The following DAB1 variants were observed in gnomAD, a reference collection of about 807,000 sequenced individuals.
DAB1 encodes DAB adaptor protein 1, also known as disabled homolog 1.
DAB1 carries 15 observed loss-of-function variants against 64.6 expected under a neutral mutation model. The observed-to-expected ratio is 0.23, with a 90% CI of 0.16 to 0.36. DAB1 has a LOEUF of 0.36. Among genes scored for constraint, DAB1 ranks in the 10% least tolerant of loss-of-function variants. The probability of loss-of-function intolerance (pLI) is 1.00; values close to 1 mark genes in which losing one functional copy is unlikely to be tolerated. For missense variants in DAB1, 596 were observed against 706.7 expected (o/e 0.84, Z 1.78); for synonymous variants, 235 against 251.9 (o/e 0.93, Z 0.64).
chr1:57,091,138 G>A (rs1653635449), intron 4 of DAB1, among the ~76,000 whole-genome samples: 1 of 152,052 alleles, frequency 6.6e-6, no homozygotes, highest in Non-Finnish European at 1.5e-5. Context: ...CCCCATGCTG[G>A]GTGTCTGCTG....
chr1:57,882,770 G>A (rs1408531462), intron 1 of DAB1, among the ~76,000 whole-genome samples: 2 of 152,160 alleles, frequency 1.3e-5, no homozygotes, highest in East Asian at 3.9e-4. Context: ...CACCTATTGA[G>A]CACTATTACC....
At chr1:58,132,190 C>T (rs1467659095) in intron 5 of DAB1, among the ~76,000 whole-genome samples, 1 of 152,172 alleles carries the variant, frequency 6.6e-6, no homozygotes, top group East Asian at 1.9e-4. Flanking sequence ...GTCGGAAAAG[C>T]GCAGTATTCG....
chr1:57,133,825 C>T (rs1364497981), intron 4 of DAB1, among the ~76,000 whole-genome samples: 1 of 152,034 alleles, frequency 6.6e-6, no homozygotes, highest in Non-Finnish European at 1.5e-5. Flanking sequence ...TGATAAAGGC[C>T]CAGTTTTCCA....
In DAB1 at chr1:57,026,007, T is replaced by C; in HGVS notation, c.760A>G (p.Thr254Ala). The C allele has an allele frequency of 1.9e-6, 3 of 1,590,814 alleles. No homozygotes were observed. The highest frequency in any genetic ancestry group is 2.6e-6 in the Non-Finnish European group (3 of 1,170,584). ...TQLELFGDMSTPPDITSPPTP... is the reference protein window; with the variant it reads ...TQLELFGDMSAPPDITSPPTP... Reference sequence around the variant, plus strand: ...GGGGGAGAGGTTATATCAGGGGGTGTGGACATGTCCCCAAAAAGTTCTAAT... The same window carrying C: ...GGGGGAGAGGTTATATCAGGGGGTGCGGACATGTCCCCAAAAAGTTCTAAT... The change falls in exon 10 of 15, where the codon ACA (threonine) becomes GCA (alanine). Residue 254 changes from threonine (T) to alanine (A), a missense_variant. Physicochemically the swap from Thr to Ala is moderately conservative, Grantham distance 58. This residue lies in a region of DAB1 where 377 missense variants were observed against 400.4 expected (regional missense o/e 0.94). Transcript: ENST00000371236.
chr1:58,242,036 T>G (rs538808913), intron 4 of DAB1, among the ~76,000 whole-genome samples: 40 of 152,236 alleles, frequency 2.6e-4, no homozygotes, highest in African/African-American at 9.1e-4. Context: ...ATTTCAGTAT[T>G]GTTTATAAAA....
At chr1:58,491,960 A>G (rs1409722269) in intron 3 of DAB1, among the ~76,000 whole-genome samples, 3 of 152,222 alleles carry the variant, frequency 2.0e-5, no homozygotes, top group Non-Finnish European at 4.4e-5. Context: ...AACAGAATAT[A>G]CATTCTTTTC....
chr1:57,238,457 A>G (rs943976586), intron 2 of DAB1, among the ~76,000 whole-genome samples: 7 of 152,230 alleles, frequency 4.6e-5, no homozygotes, highest in African/African-American at 1.7e-4. Context: ...AGATGCTGCT[A>G]TCTGTCCGTC....
At chr1:57,935,465 G>C (rs940697320) in intron 5 of DAB1, among the ~76,000 whole-genome samples, 1 of 152,152 alleles carries the variant, frequency 6.6e-6, no homozygotes, top group Non-Finnish European at 1.5e-5. Context: ...CTTCATTTCA[G>C]ATTATTAAAT....
chr1:57,088,353 G>A (rs1420832913), intron 4 of DAB1, among the ~76,000 whole-genome samples: 7 of 152,190 alleles, frequency 4.6e-5, no homozygotes, highest in Non-Finnish European at 7.3e-5. Flanking sequence ...TTACAGGCGT[G>A]AGCCAGTGAG....
At chr1:57,460,307 A>G (rs1686741541) in intron 7 of DAB1, among the ~76,000 whole-genome samples, 2 of 152,172 alleles carry the variant, frequency 1.3e-5, no homozygotes, top group Admixed American at 1.3e-4. Context: ...AACCTAATCC[A>G]TAGGTGCCTT....
chr1:57,467,257 G>A (rs576383914), intron 7 of DAB1, among the ~76,000 whole-genome samples: 1 of 152,196 alleles, frequency 6.6e-6, no homozygotes, highest in African/African-American at 2.4e-5. Context: ...ACCAGTCTAT[G>A]AATCTAAGAT....
At chr1:57,179,360 T>G (rs535963616) in intron 2 of DAB1, among the ~76,000 whole-genome samples, 3 of 152,324 alleles carry the variant, frequency 2.0e-5, no homozygotes, top group African/African-American at 7.2e-5. Context: ...CCCAAAGGGC[T>G]ACATCCAAAC....
intron 6 of DAB1, among the ~76,000 whole-genome samples, chr1:57,768,338 A>G (rs1357549146): frequency 1.3e-5 from 2 of 151,890 alleles, no homozygotes; most frequent in African/African-American, 4.8e-5. Context: ...TACCTTATGC[A>G]GTTGTTGTAA....
At chr1:57,988,411 G>C (rs904015107) in intron 5 of DAB1, among the ~76,000 whole-genome samples, 7 of 152,190 alleles carry the variant, frequency 4.6e-5, no homozygotes, top group African/African-American at 1.7e-4. Context: ...AAAATGAAAT[G>C]TATCTCAGAT....
chr1:57,327,192 C>G (rs1033088440), intron 1 of DAB1, among the ~76,000 whole-genome samples: 1 of 152,040 alleles, frequency 6.6e-6, no homozygotes, highest in African/African-American at 2.4e-5. Flanking sequence ...CCTCTTACCT[C>G]AGCCTTCTAA....
intron 5 of DAB1, among the ~76,000 whole-genome samples, chr1:57,988,614 C>T (rs528530507): frequency 6.6e-6 from 1 of 152,242 alleles, no homozygotes; most frequent in Admixed American, 6.5e-5. Context: ...CCCCCAGGGC[C>T]TGTTGCCTCC....
chr1:57,663,732 T>G (rs534018892), intron 6 of DAB1, among the ~76,000 whole-genome samples: 6 of 152,292 alleles, frequency 3.9e-5, no homozygotes, highest in African/African-American at 1.4e-4. Flanking sequence ...TTAATTTATA[T>G]TATTTTATAG....
intron 2 of DAB1, among the ~76,000 whole-genome samples, chr1:58,525,615 A>G (rs2100461942): frequency 6.6e-6 from 1 of 152,246 alleles, no homozygotes; most frequent in East Asian, 1.9e-4. Flanking sequence ...GGAAGAATCA[A>G]TACTACAGAC....
intron 2 of DAB1, among the ~76,000 whole-genome samples, chr1:57,209,756 C>T (rs1665859245): frequency 6.6e-6 from 1 of 152,060 alleles, no homozygotes; most frequent in African/African-American, 2.4e-5. Flanking sequence ...AATACTTCGC[C>T]CTCTCCCTAT....
Sources: gnomAD v4.1 joint callset for allele counts (sites outside exome capture counted in the v4.1 genomes callset) on GRCh38, gnomAD v4.1.1 for gene constraint, gnomAD v4.1.1 regional missense constraint, MANE v1.5 for transcripts, NCBI Gene and HGNC (gene_info 2026-07-23, HGNC 2026-07-21) for gene names.